Variants in CAMTA1 observed in about 807,000 individuals in gnomAD.
The protein encoded by CAMTA1 is calmodulin-binding transcription activator 1.
In CAMTA1, 27 loss-of-function variants were observed where a neutral mutation model predicts 170.9. The ratio of observed to expected loss-of-function variants is 0.16; its 90% CI spans 0.12 to 0.22. The LOEUF is 0.22. CAMTA1 is among the 10% of genes least tolerant of loss of function. The pLI, the probability that CAMTA1 is intolerant of heterozygous loss-of-function variation, is 1.00. For synonymous variants in CAMTA1, 833 were observed against 891.5 expected (o/e 0.93, Z 1.17); for missense variants, 1,619 against 2,217.2 (o/e 0.73, Z 5.42).
intron 5 of CAMTA1, among the ~76,000 whole-genome samples, chr1:7,322,692 A>G (rs953797369): frequency 6.6e-6 from 1 of 152,250 alleles, no homozygotes; most frequent in African/African-American, 2.4e-5. Flanking sequence ...TGGCATAAAG[A>G]TGTTTATAAC....
intron 3 of CAMTA1, among the ~76,000 whole-genome samples, chr1:7,083,414 T>C (rs1053933379): frequency 6.6e-6 from 1 of 152,158 alleles, no homozygotes; most frequent in African/African-American, 2.4e-5. Flanking sequence ...GAAAGCAAGA[T>C]TGGGGATGTT....
At position 7,641,751 on chromosome 1, in the gene CAMTA1, A is replaced by C. The variant is rs2095762840; in HGVS notation, c.664+1198A>C. On this transcript the variant is annotated intron_variant, in intron 7 of 22. Coordinates refer to ENST00000303635, the MANE Select transcript of CAMTA1 (RefSeq NM_015215.4). The surrounding 1 kb of genome is among the most constrained non-coding windows in gnomAD (Gnocchi z 4.5). ...CCTTTGAGCCAAGTACCCCGTGGGG[A>C]GGTTTGGACCAGGCTTGCCTCAGTG... 6.6e-6 allele frequency among the ~76,000 whole-genome samples: 1 copy of C among 152,024 alleles called. No individual in the cohort carries two copies. The highest frequency in any genetic ancestry group is 1.5e-5 in the Non-Finnish European group (1 of 67,962).
intron 6 of CAMTA1, among the ~76,000 whole-genome samples, chr1:7,613,608 C>T (rs552176143): frequency 6.6e-6 from 1 of 152,080 alleles, no homozygotes; most frequent in African/African-American, 2.4e-5. Flanking sequence ...TTAAATAGAA[C>T]AAGATTTAAG....
chr1:6,932,603 T>A (rs1684600297), intron 3 of CAMTA1, among the ~76,000 whole-genome samples: 1 of 152,258 alleles, frequency 6.6e-6, no homozygotes, highest in South Asian at 2.1e-4. Flanking sequence ...CTGTTTTCTA[T>A]CCCCACTGCG....
chr1:7,533,479 T>C (rs1322566675), intron 6 of CAMTA1, among the ~76,000 whole-genome samples: 5 of 152,314 alleles, frequency 3.3e-5, no homozygotes, highest in Non-Finnish European at 4.4e-5. Flanking sequence ...CAAGGGCTAC[T>C]CCGAAGGGAG....
At chr1:7,668,418 C>CAG (rs1297136483) in intron 9 of CAMTA1, among the ~76,000 whole-genome samples, 15 of 144,674 alleles carry the variant, frequency 1.0e-4, no homozygotes, top group African/African-American at 1.7e-4. Flanking sequence ...CACACACACA[C>CAG]ACACACACAC....
chr1:7,670,809 TAC>T, intron 9 of CAMTA1, 100 bp from the exon 10 acceptor site: 2 of 1,371,836 alleles, frequency 1.5e-6, no homozygotes, highest in South Asian at 2.6e-5. Flanking sequence ...GGGCGAGGGG[TAC>T]AGACCCCCAT....
At chr1:7,720,290 C>T (rs779863309) in intron 11 of CAMTA1, among the ~76,000 whole-genome samples, 1 of 152,176 alleles carries the variant, frequency 6.6e-6, no homozygotes, top group East Asian at 1.9e-4. Flanking sequence ...CATTGAGGGG[C>T]GCTGCCAGTC....
Position 7,014,257 on chromosome 1 carries a change from G to C in CAMTA1, c.235-77047G>C, listed in dbSNP as rs549416389. 7.2e-5 allele frequency: 11 copies of C among 152,274 alleles called. No individual in the cohort carries two copies. Among genetic ancestry groups the C allele is most frequent in the African/African-American group, 2.7e-4 (11 of 41,444 alleles). 9.4% of individuals were successfully genotyped at this position (152,274 alleles called of 1,614,324 possible). A position where few individuals can be genotyped will look rare whatever the true frequency, so the allele number is the denominator to read the frequency against. On this transcript the variant is annotated intron_variant, in intron 3 of 22. Coordinates refer to ENST00000303635, the MANE Select transcript of CAMTA1 (RefSeq NM_015215.4). This position sits in a 1 kb window ranked among gnomAD's most constrained non-coding sequence, Gnocchi z 4.2. ...AGGCAGGCCGGTCTCTTACCTGCTC[G>C]ATGTCTGCACATAGGGAAACCTGAG...
intron 6 of CAMTA1, among the ~76,000 whole-genome samples, chr1:7,605,466 C>T (rs2095479165): frequency 6.6e-6 from 1 of 152,218 alleles, no homozygotes; most frequent in Non-Finnish European, 1.5e-5. Flanking sequence ...GCTCTGTGGG[C>T]GTAGGACCCT....
chr1:6,855,151 T>G (rs1489107524), intron 3 of CAMTA1, among the ~76,000 whole-genome samples: 1 of 152,052 alleles, frequency 6.6e-6, no homozygotes, highest in Non-Finnish European at 1.5e-5. Flanking sequence ...GGTTGCAAGA[T>G]TCAAGGTAAT....
intron 5 of CAMTA1, among the ~76,000 whole-genome samples, chr1:7,436,025 C>A (rs907833708): frequency 2.0e-5 from 3 of 152,194 alleles, no homozygotes; most frequent in African/African-American, 7.2e-5. Flanking sequence ...CAAGCAGGAG[C>A]GGGAGGCTCT....
At chr1:7,411,283 C>T (rs1240293761) in intron 5 of CAMTA1, among the ~76,000 whole-genome samples, 3 of 152,198 alleles carry the variant, frequency 2.0e-5, no homozygotes, top group Non-Finnish European at 2.9e-5. Flanking sequence ...CCCTCTTTGG[C>T]GCAATGACAG....
intron 3 of CAMTA1, among the ~76,000 whole-genome samples, chr1:6,992,105 T>C (rs116244796): frequency 0.02 from 2,971 of 152,320 alleles, 75 homozygotes; most frequent in African/African-American, 0.067. Flanking sequence ...AGTCTTACTC[T>C]GTCACCCAGG....
At chr1:7,576,737 G>A (rs1005056319) in intron 6 of CAMTA1, among the ~76,000 whole-genome samples, 10 of 152,140 alleles carry the variant, frequency 6.6e-5, no homozygotes, top group African/African-American at 2.2e-4. Flanking sequence ...TGATGGGAGC[G>A]GGTGCTGCAG....
At chr1:6,885,327 C>G (rs566593945) in intron 3 of CAMTA1, among the ~76,000 whole-genome samples, 1 of 152,290 alleles carries the variant, frequency 6.6e-6, no homozygotes, top group East Asian at 1.9e-4. Context: ...ACACACAATT[C>G]TAGTTTCTTT....
At chr1:6,856,818 AGATGAGT>A (rs1421031198) in intron 3 of CAMTA1, among the ~76,000 whole-genome samples, 1 of 152,112 alleles carries the variant, frequency 6.6e-6, no homozygotes, top group Non-Finnish European at 1.5e-5. Flanking sequence ...TAGCTTGGTG[AGATGAGT>A]GATCAGAGAA....
chr1:7,117,145 A>G (rs929158559), intron 4 of CAMTA1, among the ~76,000 whole-genome samples: 1 of 149,756 alleles, frequency 6.7e-6, no homozygotes, highest in Non-Finnish European at 1.5e-5. Context: ...TAATTTTTGT[A>G]TTTTTAGTAC....
intron 3 of CAMTA1, among the ~76,000 whole-genome samples, chr1:7,026,246 G>A (rs1702002146): frequency 1.3e-5 from 2 of 152,220 alleles, no homozygotes; most frequent in East Asian, 1.9e-4. Flanking sequence ...CACAAAGAGC[G>A]AGGCGTGAGG....
Sources: gnomAD v4.1 joint callset for allele counts (sites outside exome capture counted in the v4.1 genomes callset) on GRCh38, gnomAD v4.1.1 for gene constraint, Gnocchi (gnomAD v3.1) non-coding constraint, MANE v1.5 for transcripts, NCBI Gene and HGNC (gene_info 2026-07-23, HGNC 2026-07-21) for gene names.